The following PMFBP1 variants were observed in gnomAD, a reference collection of about 807,000 sequenced individuals.
The protein encoded by PMFBP1 is polyamine-modulated factor 1-binding protein 1.
A neutral mutation model predicts 137.8 loss-of-function variants in PMFBP1; 131 were observed. That is an observed-to-expected ratio of 0.95 (90% CI 0.82 to 1.10). The LOEUF (loss-of-function observed/expected upper bound fraction) is 1.10, where lower values mean the gene tolerates loss of function less well. PMFBP1 is among the 50% of genes least tolerant of loss of function. PMFBP1 has a pLI of 0.00. For synonymous variants in PMFBP1, 490 were observed against 450.4 expected (o/e 1.09, Z -1.11); for missense variants, 1,199 against 1,175.4 (o/e 1.02, Z -0.29).
chr16:72,148,296 C>T (rs535447000), intron 5 of PMFBP1, among the ~76,000 whole-genome samples: 2 of 145,644 alleles, frequency 1.4e-5, no homozygotes, highest in African/African-American at 5.1e-5. Flanking sequence ...CGCATGTTCT[C>T]ACTCATAAGT....
At chr16:72,149,946 G>C (rs894460641) in intron 5 of PMFBP1, among the ~76,000 whole-genome samples, 2 of 152,198 alleles carry the variant, frequency 1.3e-5, no homozygotes, top group Non-Finnish European at 2.9e-5. Flanking sequence ...CTAAGAAGAG[G>C]AGGAGAATGA....
the PMFBP1 span, among the ~76,000 whole-genome samples, chr16:72,182,147 C>T: frequency 7.9e-5 from 12 of 152,146 alleles, no homozygotes; most frequent in African/African-American, 2.9e-4. Context: ...TAAACCAGAC[C>T]TATTCTCCTG....
At position 72,139,290 on chromosome 16, in the gene PMFBP1, T is replaced by C. The variant is rs772755192; in HGVS notation, c.917A>G (p.Lys306Arg). 42 of 1,611,340 alleles carry C rather than the reference T, an allele frequency of 2.6e-5. No homozygotes were observed. The highest frequency in any genetic ancestry group is 1.8e-4 in the Admixed American group (11 of 59,976). Reference sequence around the variant, plus strand: ...CACAGATCAGCAAATTTCTCCCACCTTTTTGATGTCTTCACACTCTTCTGA... The same window carrying C: ...CACAGATCAGCAAATTTCTCCCACCCTTTTGATGTCTTCACACTCTTCTGA... ...SSSEECEDIK[K>R]ILKHLQEQKD... Residue 306 changes from lysine (K) to arginine (R), a missense_variant and splice_region_variant, in exon 7 of 21, where the codon AAG (lysine) becomes AGG (arginine). Coordinates refer to ENST00000237353, the MANE Select transcript of PMFBP1 (RefSeq NM_031293.3).
At chr16:72,119,450 C>T (rs879766740) in intron 20 of PMFBP1, 96 bp from the exon 21 acceptor site, 21 of 1,607,536 alleles carry the variant, frequency 1.3e-5, no homozygotes, top group Non-Finnish European at 1.7e-5. Flanking sequence ...AGCTCTGCTG[C>T]AGGGTGACTT....
the PMFBP1 span, among the ~76,000 whole-genome samples, chr16:72,239,689 C>T: frequency 6.6e-6 from 1 of 151,704 alleles, no homozygotes; most frequent in Admixed American, 6.6e-5. Flanking sequence ...GTCAGGAGAT[C>T]GAGACCATCC....
At chr16:72,173,328 T>G (rs1224285505), upstream of PMFBP1, among the ~76,000 whole-genome samples, 1 of 152,216 alleles carries the variant, frequency 6.6e-6, no homozygotes, top group Non-Finnish European at 1.5e-5. Flanking sequence ...CATACTTCTT[T>G]GCAGGCAAGC....
chr16:72,245,950 G>A, the PMFBP1 span, among the ~76,000 whole-genome samples: 4 of 152,134 alleles, frequency 2.6e-5, no homozygotes, highest in South Asian at 2.1e-4. Flanking sequence ...ACTGCTTCTC[G>A]GGACAAAAAT....
At chr16:72,162,738 A>G (rs1338643267) in intron 3 of PMFBP1, among the ~76,000 whole-genome samples, 1 of 152,274 alleles carries the variant, frequency 6.6e-6, no homozygotes, top group Non-Finnish European at 1.5e-5. Context: ...TAGAATAATA[A>G]AATGCAATTT....
At chr16:72,195,135 A>G in the PMFBP1 span, among the ~76,000 whole-genome samples, 4 of 152,280 alleles carry the variant, frequency 2.6e-5, no homozygotes, top group East Asian at 3.9e-4. Context: ...CCAGCTGTCA[A>G]TGTCTCCAGG....
chr16:72,196,250 G>A, the PMFBP1 span, among the ~76,000 whole-genome samples: 1 of 152,144 alleles, frequency 6.6e-6, no homozygotes. Flanking sequence ...CAACACCAAA[G>A]TCTTTATCTA....
the PMFBP1 span, among the ~76,000 whole-genome samples, chr16:72,242,978 G>A: frequency 6.6e-6 from 1 of 152,242 alleles, no homozygotes; most frequent in Non-Finnish European, 1.5e-5. Context: ...TGTATCGTCA[G>A]CATGACTGCA....
intron 4 of PMFBP1, among the ~76,000 whole-genome samples, chr16:72,153,254 C>T (rs911662044): frequency 6.6e-6 from 1 of 152,180 alleles, no homozygotes; most frequent in African/African-American, 2.4e-5. Context: ...GTTCCTCCCA[C>T]TCTTAATTCT....
the PMFBP1 span, among the ~76,000 whole-genome samples, chr16:72,241,107 T>C: frequency 2.6e-5 from 4 of 152,188 alleles, no homozygotes; most frequent in Non-Finnish European, 5.9e-5. Context: ...GAGGAATATG[T>C]AAGTACTCAT....
At chr16:72,246,883 A>G in the PMFBP1 span, among the ~76,000 whole-genome samples, 1 of 152,174 alleles carries the variant, frequency 6.6e-6, no homozygotes, top group African/African-American at 2.4e-5. Flanking sequence ...ATCCTCCTGA[A>G]ACTATAAAGC....
At chr16:72,239,926 C>T in the PMFBP1 span, among the ~76,000 whole-genome samples, 11 of 148,022 alleles carry the variant, frequency 7.4e-5, no homozygotes, top group Non-Finnish European at 1.5e-4. Context: ...AAGAATGTTC[C>T]TGTTGTCATT....
intron 9 of PMFBP1, among the ~76,000 whole-genome samples, chr16:72,134,243 T>C (rs990105262): frequency 6.6e-6 from 1 of 152,198 alleles, no homozygotes; most frequent in Non-Finnish European, 1.5e-5. Flanking sequence ...AAATTCTTTC[T>C]TCTGAGGAGG....
intron 4 of PMFBP1, among the ~76,000 whole-genome samples, chr16:72,153,966 C>T (rs2042943077): frequency 7.3e-6 from 1 of 137,308 alleles, no homozygotes; most frequent in Non-Finnish European, 1.6e-5. Context: ...ACACACATGC[C>T]TGCACACACA....
At chr16:72,195,604 C>T in the PMFBP1 span, among the ~76,000 whole-genome samples, 1 of 152,216 alleles carries the variant, frequency 6.6e-6, no homozygotes, top group African/African-American at 2.4e-5. Flanking sequence ...TGAATACATT[C>T]CAAGCTAAGT....
In PMFBP1 at chr16:72,133,108, C is replaced by T. The variant is rs570565154; in HGVS notation, c.1204-117G>A. 9.9e-5 allele frequency: 122 copies of T among 1,228,452 alleles called. 1 individual carries two copies. Among genetic ancestry groups the T allele is most frequent in the South Asian group, 7.8e-4 (55 of 70,878 alleles). 76.1% of individuals were successfully genotyped at this position (1,228,452 alleles called of 1,614,324 possible). A position where few individuals can be genotyped will look rare whatever the true frequency, so the allele number is the denominator to read the frequency against. ...TGGCATCCCCTGCCTGGACATTGCA[C>T]GAACCTCCCTGCCTCCACTCCTGTT... On this transcript the variant is annotated intron_variant, in intron 9 of 20. Coordinates refer to ENST00000237353, the MANE Select transcript of PMFBP1 (RefSeq NM_031293.3).
Sources: allele counts gnomAD v4.1 joint callset (sites outside exome capture counted in the v4.1 genomes callset), GRCh38; gene constraint gnomAD v4.1.1; transcripts MANE v1.5; gene names NCBI Gene and HGNC (gene_info 2026-07-23, HGNC 2026-07-21).